The following ANKRD30B variants were observed in gnomAD, a reference collection of about 807,000 sequenced individuals.
ANKRD30B encodes ankyrin repeat domain 30B.
Under a neutral mutation model 202.2 loss-of-function variants are expected in ANKRD30B, and 144 were observed. The observed-to-expected ratio is 0.71, with a 90% CI of 0.62 to 0.82. The LOEUF (loss-of-function observed/expected upper bound fraction) is 0.82. Among genes scored for constraint, ANKRD30B ranks in the 40% least tolerant of loss-of-function variants. The pLI is 0.00. For missense variants in ANKRD30B, 1,487 were observed against 1,669.1 expected, an observed-to-expected ratio of 0.89 and a Z score of 1.90; for synonymous variants, 508 against 561.3, an observed-to-expected ratio of 0.91 and a Z score of 1.34.
At chr18:14,912,244 G>A in the ANKRD30B span, among the ~76,000 whole-genome samples, 7 of 152,190 alleles carry the variant, frequency 4.6e-5, no homozygotes, top group Admixed American at 3.3e-4. Flanking sequence ...GTAGGATGTT[G>A]GCTGTGGGTT....
intron 39 of ANKRD30B, among the ~76,000 whole-genome samples, chr18:14,848,307 A>G (rs1273946618): frequency 6.6e-6 from 1 of 152,130 alleles, no homozygotes. Context: ...GAGGCAGACT[A>G]CACTAGAGCT....
intron 30 of ANKRD30B, among the ~76,000 whole-genome samples, chr18:14,817,487 A>G (rs1239872104): frequency 6.6e-6 from 1 of 152,218 alleles, no homozygotes; most frequent in Non-Finnish European, 1.5e-5. Context: ...AACCATACAT[A>G]GGATTCCTAA....
the ANKRD30B span, among the ~76,000 whole-genome samples, chr18:14,917,568 G>T: frequency 7.2e-5 from 11 of 152,180 alleles, no homozygotes; most frequent in Non-Finnish European, 1.2e-4. Flanking sequence ...TAAATCAGGT[G>T]GGGGAGAAAA....
rs540496430 is a variant in ANKRD30B, at chr18:14,808,411, A to T, written c.2285-140A>T. ...CATTGGCATGTTAACAAATACAAAA[A>T]CCCAAAAGACCCCAAAACCTAGTGT... On this transcript the variant is annotated intron_variant, in intron 24 of 43. Coordinates refer to ENST00000690538, the MANE Select transcript of ANKRD30B (RefSeq NM_001367607.2). The T allele has an allele frequency of 3.3e-6, 3 of 914,712 alleles. No individual in the cohort carries two copies. In the South Asian group the frequency reaches 4.1e-5, roughly 12 times the overall value. The allele number at this position is 914,712 out of a possible 1,614,324, so 56.7% of individuals were successfully genotyped here. A position where few individuals can be genotyped will look rare whatever the true frequency, so the allele number is the denominator to read the frequency against.
At chr18:14,900,865 C>T in the ANKRD30B span, among the ~76,000 whole-genome samples, 14 of 152,210 alleles carry the variant, frequency 9.2e-5, no homozygotes, top group African/African-American at 1.9e-4. Flanking sequence ...GATTATGGAA[C>T]GGTGAGCTAA....
chr18:14,750,172 GTA>G (rs1187827917), intron 1 of ANKRD30B, among the ~76,000 whole-genome samples: 1 of 152,064 alleles, frequency 6.6e-6, no homozygotes, highest in Non-Finnish European at 1.5e-5. Context: ...TACTACTCAT[GTA>G]TGTGTGTGTG....
the ANKRD30B span, among the ~76,000 whole-genome samples, chr18:14,910,653 T>C: frequency 2.0e-5 from 3 of 152,052 alleles, no homozygotes; most frequent in African/African-American, 7.2e-5. Flanking sequence ...AATAGTGGGA[T>C]TGCTGAATCA....
intron 30 of ANKRD30B, among the ~76,000 whole-genome samples, chr18:14,819,389 G>C (rs1246105891): frequency 6.7e-6 from 1 of 150,200 alleles, no homozygotes; most frequent in Non-Finnish European, 1.5e-5. Context: ...TGTCAATTTT[G>C]TCTTTTGTTG....
intron 30 of ANKRD30B, among the ~76,000 whole-genome samples, chr18:14,819,800 G>A (rs1221316941): frequency 2.6e-5 from 4 of 152,144 alleles, no homozygotes; most frequent in Non-Finnish European, 4.4e-5. Flanking sequence ...GTACTGTGAT[G>A]CCTCCAGCTT....
intron 32 of ANKRD30B, among the ~76,000 whole-genome samples, chr18:14,827,550 GGT>G (rs1449867325): frequency 2.6e-5 from 4 of 151,988 alleles, no homozygotes; most frequent in African/African-American, 9.7e-5. Flanking sequence ...CTTATTTGTT[GGT>G]GGAGAAAATC....
intron 24 of ANKRD30B, 199 bp from the exon 25 acceptor site, chr18:14,808,352 T>C: frequency 1.6e-6 from 1 of 622,670 alleles, no homozygotes; most frequent in Non-Finnish European, 3.0e-6. Flanking sequence ...TGATGAAATT[T>C]ATTTTTTAAA....
chr18:14,805,085 A>C (rs2144021621), intron 24 of ANKRD30B, among the ~76,000 whole-genome samples: 1 of 150,700 alleles, frequency 6.6e-6, no homozygotes, highest in African/African-American at 2.5e-5. Context: ...ATATGTATAT[A>C]TTTTGTTGAT....
At chr18:14,932,573 C>T in the ANKRD30B span, among the ~76,000 whole-genome samples, 2 of 152,144 alleles carry the variant, frequency 1.3e-5, no homozygotes, top group South Asian at 2.1e-4. Context: ...CTCCAGACCT[C>T]GTGATCCGCC....
At chr18:14,875,714 G>A in the ANKRD30B span, among the ~76,000 whole-genome samples, 124 of 152,228 alleles carry the variant, frequency 8.1e-4, no homozygotes, top group Middle Eastern at 3.4e-3. Context: ...TTGTTGGTTC[G>A]TTCCACCTGG....
the ANKRD30B span, among the ~76,000 whole-genome samples, chr18:14,870,403 G>T: frequency 6.6e-6 from 1 of 152,248 alleles, no homozygotes; most frequent in Non-Finnish European, 1.5e-5. Flanking sequence ...AGGGTCACCT[G>T]CCCACAGGCA....
chr18:14,881,919 C>G, the ANKRD30B span, among the ~76,000 whole-genome samples: 3 of 152,052 alleles, frequency 2.0e-5, no homozygotes, highest in African/African-American at 7.2e-5. Context: ...CTTGAATAAC[C>G]TTTAATATTT....
chr18:14,787,430 C>T (rs182338579), intron 15 of ANKRD30B, among the ~76,000 whole-genome samples: 2 of 152,278 alleles, frequency 1.3e-5, no homozygotes, highest in Admixed American at 1.3e-4. Context: ...TGGGCAAATA[C>T]ATGATTCTGT....
the ANKRD30B span, among the ~76,000 whole-genome samples, chr18:14,935,091 G>A: frequency 6.6e-6 from 1 of 152,164 alleles, no homozygotes; most frequent in Non-Finnish European, 1.5e-5. Context: ...CATATTGTTA[G>A]CATGGTTTCC....
intron 30 of ANKRD30B, among the ~76,000 whole-genome samples, chr18:14,818,292 A>C (rs12954040): frequency 6.6e-6 from 1 of 151,734 alleles, no homozygotes; most frequent in Non-Finnish European, 1.5e-5. Context: ...TGAAATATGC[A>C]GGTTAATGAT....
Sources: gnomAD v4.1 joint callset for allele counts (sites outside exome capture counted in the v4.1 genomes callset) on GRCh38, gnomAD v4.1.1 for gene constraint, MANE v1.5 for transcripts, NCBI Gene and HGNC (gene_info 2026-07-23, HGNC 2026-07-21) for gene names.